Variants in PTTG1IP observed in about 807,000 individuals in gnomAD.
PTTG1IP encodes the protein pituitary tumor-transforming gene 1 protein-interacting protein.
In PTTG1IP, 16 loss-of-function variants were observed where a neutral mutation model predicts 24.4. The observed-to-expected ratio is 0.66, with a 90% confidence interval of 0.44 to 1.00. PTTG1IP has a LOEUF of 1.00. Among genes scored for constraint, PTTG1IP ranks in the 50% least tolerant of loss-of-function variants. The pLI, the probability that PTTG1IP is intolerant of heterozygous loss-of-function variation, is 0.00. For synonymous variants in PTTG1IP, 89 were observed against 96.8 expected (o/e 0.92, Z 0.47); for missense variants, 241 against 245.8 (o/e 0.98, Z 0.13).
In PTTG1IP at chr21:44,858,610, C is replaced by T. The variant is rs114078007; in HGVS notation, c.278-2246G>A. ...AGCCCTGTTCCCCTGCGGGACCCTG[C>T]GTGGCGTGTGGTGCCCCCTCCCCAC... is the stretch of plus-strand genomic sequence containing the variant. On this transcript the variant is annotated intron_variant, in intron 3 of 5. Transcript: ENST00000330938. Among the ~76,000 whole-genome samples, 882 of 152,340 alleles carry T rather than the reference C, an allele frequency of 5.8e-3. 10 individuals carry two copies. The highest frequency in any genetic ancestry group is 0.019 in the African/African-American group (810 of 41,576).
intron 3 of PTTG1IP, among the ~76,000 whole-genome samples, chr21:44,859,721 C>T (rs979601407): frequency 5.9e-5 from 9 of 152,100 alleles, no homozygotes; most frequent in African/African-American, 2.2e-4. Context: ...CATGAAGGTG[C>T]ACACACACCA....
In PTTG1IP at chr21:44,855,250, T is replaced by G; in HGVS notation, c.456A>C (p.Ala152=). ...ERRIRQEERR[A]EMKTRHDEIR... Reference sequence around the variant, plus strand: ...TTTCATCATGTCTTGTCTTCATCTCTGCTCTCCTAAAACACAGAGGAACAT... The same window carrying G: ...TTTCATCATGTCTTGTCTTCATCTCGGCTCTCCTAAAACACAGAGGAACAT... The change falls in exon 5 of 6, where the codon GCA becomes GCC. Residue 152 remains alanine (A), a synonymous_variant. Transcript: ENST00000330938. The G allele has an allele frequency of 6.2e-7, 1 of 1,611,824 alleles. No individual in the cohort carries two copies. The highest frequency in any genetic ancestry group is 8.5e-7 in the Non-Finnish European group (1 of 1,177,888).
At chr21:44,871,177 G>A (rs547167504) in intron 1 of PTTG1IP, among the ~76,000 whole-genome samples, 159 of 152,370 alleles carry the variant, frequency 1.0e-3, no homozygotes, top group African/African-American at 3.2e-3. Flanking sequence ...CTAGGAGTAT[G>A]TATCAACACT....
chr21:44,860,043 G>C (rs1313238568), intron 3 of PTTG1IP, among the ~76,000 whole-genome samples: 1 of 152,146 alleles, frequency 6.6e-6, no homozygotes, highest in Non-Finnish European at 1.5e-5. Context: ...ATGAGTTCTA[G>C]GTTACAAAAC....
rs1464141248 is a variant in PTTG1IP at position 44,865,338 on chromosome 21, C to G, written c.168+57G>C. On this transcript the variant is annotated intron_variant, in intron 2 of 5. Transcript: ENST00000330938. ...CGAATCCCTGGACCTAGAGAAAGCC[C>G]GTGTGCCTTTGGACGGTCTGGACGG... is the stretch of plus-strand genomic sequence containing the variant. 16 of 1,550,000 alleles carry G rather than the reference C, an allele frequency of 1.0e-5. No individual in the cohort carries two copies. In the East Asian group the frequency reaches 3.6e-4, roughly 35 times the overall value.
At position 44,856,333 on chromosome 21, in the gene PTTG1IP, C is replaced by T. The variant is rs764565740; in HGVS notation, c.309G>A (p.Ser103=). 9 of 1,613,844 alleles carry T rather than the reference C, an allele frequency of 5.6e-6. No homozygotes were observed. The highest frequency in any genetic ancestry group is 1.1e-5 in the South Asian group (1 of 91,062). Residue 103 remains serine (S), a synonymous_variant, in exon 4 of 6, where the codon TCG becomes TCA. Transcript: ENST00000330938. Reference sequence around the variant, plus strand: ...CCAGGAGGAGGGTTCCCCCGACTACCGACATGGTGATGATCAGCGCCTCAA... The same window carrying T: ...CCAGGAGGAGGGTTCCCCCGACTACTGACATGGTGATGATCAGCGCCTCAA... The part of the protein sequence containing the change: ...VNFEALIITM[S]VVGGTLLLGI...
rs372274979 is a variant in PTTG1IP at position 44,849,757 on chromosome 21, G to C, written c.*1824C>G. On this transcript the variant is annotated 3_prime_UTR_variant, in exon 6 of 6. Coordinates refer to ENST00000330938, the MANE Select transcript of PTTG1IP (RefSeq NM_004339.4). ...ACAGACGTGGGTTTCTACACTGAGC[G>C]CAAGGGCTGACTACGCTGTATTTCA... The C allele has an allele frequency of 6.6e-6, 1 of 152,540 alleles. No homozygotes were observed. The highest frequency in any genetic ancestry group is 2.4e-5 in the African/African-American group (1 of 41,566). 9.4% of individuals were successfully genotyped at this position (152,540 alleles called of 1,614,324 possible).
intron 3 of PTTG1IP, among the ~76,000 whole-genome samples, chr21:44,858,716 G>A (rs975495301): frequency 6.6e-6 from 1 of 152,328 alleles, no homozygotes; most frequent in Non-Finnish European, 1.5e-5. Context: ...GCAGCCTAGC[G>A]TGGGGATGTC....
intron 1 of PTTG1IP, among the ~76,000 whole-genome samples, chr21:44,866,679 TAACA>T (rs1402935452): frequency 2.3e-5 from 2 of 87,444 alleles, no homozygotes; most frequent in East Asian, 2.6e-4. Flanking sequence ...TCCAATCCCA[TAACA>T]CACACACACA....
intron 1 of PTTG1IP, among the ~76,000 whole-genome samples, chr21:44,872,408 G>A (rs2083594449): frequency 6.6e-6 from 1 of 152,196 alleles, no homozygotes; most frequent in South Asian, 2.1e-4. Flanking sequence ...ACAGAGCCTG[G>A]GCTAACAAGA....
At chr21:44,851,685 AG>A in intron 5 of PTTG1IP, 58 bp from the exon 6 acceptor site, 1 of 1,518,676 alleles carries the variant, frequency 6.6e-7, no homozygotes, top group Non-Finnish European at 8.9e-7. Flanking sequence ...ACAAAATCTT[AG>A]AAAGCCATAC....
In PTTG1IP at chr21:44,850,379, C is replaced by T. The variant is rs892848114; in HGVS notation, c.*1202G>A. ...GCGCTTGGTCTGCTTACTAAAGCCA[C>T]GTATCCTGATTTTACAGAAACGTGG... On this transcript the variant is annotated 3_prime_UTR_variant, in exon 6 of 6. Transcript: ENST00000330938. 14 of 152,260 alleles carry T rather than the reference C, an allele frequency of 9.2e-5. No homozygotes were observed. The highest frequency in any genetic ancestry group is 1.3e-4 in the Non-Finnish European group (9 of 68,048). 9.4% of individuals were successfully genotyped at this position (152,260 alleles called of 1,614,324 possible). A position where few individuals can be genotyped will look rare whatever the true frequency, so the allele number is the denominator to read the frequency against.
At chr21:44,860,026 CATA>C (rs1307443536) in intron 3 of PTTG1IP, among the ~76,000 whole-genome samples, 1 of 152,176 alleles carries the variant, frequency 6.6e-6, no homozygotes, top group Non-Finnish European at 1.5e-5. Context: ...AATTCAACTA[CATA>C]ATAATGAGTT....
At chr21:44,859,131 G>A (rs1196904536) in intron 3 of PTTG1IP, among the ~76,000 whole-genome samples, 5 of 152,238 alleles carry the variant, frequency 3.3e-5, no homozygotes, top group Non-Finnish European at 4.4e-5. Flanking sequence ...AACACTGCAC[G>A]AGAAAGATAA....
At chr21:44,854,258 C>A (rs998669487) in intron 5 of PTTG1IP, among the ~76,000 whole-genome samples, 2 of 152,200 alleles carry the variant, frequency 1.3e-5, no homozygotes, top group Non-Finnish European at 2.9e-5. Context: ...AAACAGAAGA[C>A]TCAAAACACG....
At chr21:44,864,954 C>T (rs1002203983) in intron 2 of PTTG1IP, among the ~76,000 whole-genome samples, 13 of 152,212 alleles carry the variant, frequency 8.5e-5, no homozygotes, top group South Asian at 4.1e-4. Context: ...CCTGGCCCAC[C>T]GGCCCAGAGG....
intron 3 of PTTG1IP, among the ~76,000 whole-genome samples, chr21:44,860,339 A>C (rs2083480847): frequency 6.6e-6 from 1 of 152,224 alleles, no homozygotes; most frequent in Non-Finnish European, 1.5e-5. Flanking sequence ...ATTGCACTCC[A>C]GCCCGTCTCA....
chr21:44,872,543 A>T (rs1284728364), intron 1 of PTTG1IP, among the ~76,000 whole-genome samples: 1 of 152,130 alleles, frequency 6.6e-6, no homozygotes, highest in Non-Finnish European at 1.5e-5. Flanking sequence ...CCACACACGG[A>T]AGCCAGCATG....
intron 3 of PTTG1IP, among the ~76,000 whole-genome samples, chr21:44,860,724 CT>C (rs1184365448): frequency 1.3e-5 from 2 of 152,240 alleles, no homozygotes; most frequent in East Asian, 3.8e-4. Context: ...CAGATCACCC[CT>C]GGCTTCCCAA....
Sources: gnomAD v4.1 joint callset for allele counts (sites outside exome capture counted in the v4.1 genomes callset) on GRCh38, gnomAD v4.1.1 for gene constraint, MANE v1.5 for transcripts, NCBI Gene and HGNC (gene_info 2026-07-23, HGNC 2026-07-21) for gene names.